Variants in HPCAL1 observed in about 807,000 individuals in gnomAD.
HPCAL1 encodes hippocalcin like 1.
A neutral mutation model predicts 17.1 loss-of-function variants in HPCAL1; 8 were observed. The ratio of observed to expected loss-of-function variants is 0.47; its 90% CI spans 0.27 to 0.84. HPCAL1 has a LOEUF of 0.84. Ranked by LOEUF, HPCAL1 falls within the 40% of genes least tolerant of loss-of-function variation. The pLI is 0.13. For synonymous variants in HPCAL1, 112 were observed against 111.4 expected, an observed-to-expected ratio of 1.01 and a Z score of -0.03; for missense variants, 165 against 271.1, an observed-to-expected ratio of 0.61 and a Z score of 2.75.
intron 2 of HPCAL1, among the ~76,000 whole-genome samples, chr2:10,406,517 C>T (rs1449033894): frequency 6.6e-6 from 1 of 152,268 alleles, no homozygotes; most frequent in African/African-American, 2.4e-5. Context: ...GTGAAGGAAC[C>T]AGTCCAGAGA....
intron 2 of HPCAL1, among the ~76,000 whole-genome samples, chr2:10,418,264 C>CATAAATAAATAA (rs59197150): frequency 2.1e-5 from 3 of 144,162 alleles, no homozygotes; most frequent in Non-Finnish European, 4.5e-5. Flanking sequence ...ACTAAAAATA[C>CATAAATAAATAA]ATAAATAAAT....
chr2:10,327,188 G>A (rs1472907470), intron 1 of HPCAL1, among the ~76,000 whole-genome samples: 1 of 152,172 alleles, frequency 6.6e-6, no homozygotes, highest in Non-Finnish European at 1.5e-5. Context: ...CCCAACTCCT[G>A]GGATTTGCAG....
At position 10,377,799 on chromosome 2, in the gene HPCAL1, C is replaced by T. The variant is rs1667668760; in HGVS notation, c.-110-19036C>T. Among the ~76,000 whole-genome samples the T allele has an allele frequency of 6.6e-6, 1 of 152,164 alleles. No individual in the cohort carries two copies. Among genetic ancestry groups the T allele is most frequent in the African/African-American group, 2.4e-5 (1 of 41,424 alleles). ...AAACATAAAGGGACACCAGAATCCCCATCCCCATCCCCAGGGTGGTGAGCC... is the reference window on the plus strand; with the variant it reads ...AAACATAAAGGGACACCAGAATCCCTATCCCCATCCCCAGGGTGGTGAGCC... On this transcript the variant is annotated intron_variant, in intron 1 of 4. Transcript: ENST00000307845. This position sits in a 1 kb window ranked among gnomAD's most constrained non-coding sequence, Gnocchi z 5.9.
chr2:10,392,085 C>T (rs992820317), intron 1 of HPCAL1, among the ~76,000 whole-genome samples: 4 of 152,020 alleles, frequency 2.6e-5, no homozygotes, highest in Non-Finnish European at 5.9e-5. Flanking sequence ...ATCTATCCCT[C>T]GGGCGGGAGT....
chr2:10,379,530 C>T (rs983852097), intron 1 of HPCAL1, among the ~76,000 whole-genome samples: 2 of 151,862 alleles, frequency 1.3e-5, no homozygotes, highest in Non-Finnish European at 2.9e-5. Flanking sequence ...TAGATAGCTG[C>T]GCAGATGGTC....
At chr2:10,361,628 T>C (rs4477884) in intron 1 of HPCAL1, among the ~76,000 whole-genome samples, 113,754 of 152,160 alleles carry the variant, frequency 0.75, 42,858 homozygotes, top group East Asian at 0.99. Context: ...ATAAGGCGAC[T>C]GTTATCTTTT....
chr2:10,388,314 G>A (rs1246988071), intron 1 of HPCAL1, among the ~76,000 whole-genome samples: 1 of 152,220 alleles, frequency 6.6e-6, no homozygotes, highest in Non-Finnish European at 1.5e-5. Context: ...GTGCCTCAGT[G>A]CCTCAGATGC....
rs1553353473 is a variant in HPCAL1 at position 10,384,029 on chromosome 2, C to CACACCCA, written c.-110-12806_-110-12805insACACCCA. Reference sequence around the variant, plus strand: ...ATATACATCGCGTACACACACACACCCACACACACACACACCTTTTGCTGG... The same window carrying CACACCCA: ...ATATACATCGCGTACACACACACACCACACCCACACACACACACACACCTTTTGCTGG... On this transcript the variant is annotated intron_variant, in intron 1 of 4. Transcript: ENST00000307845. The surrounding 1 kb of genome is among the most constrained non-coding windows in gnomAD (Gnocchi z 4.4). 6.7e-6 allele frequency among the ~76,000 whole-genome samples: 1 copy of CACACCCA among 149,974 alleles called. No homozygotes were observed. Among genetic ancestry groups the CACACCCA allele is most frequent in the Admixed American group, 6.6e-5 (1 of 15,066 alleles).
rs1662506166 is a variant in HPCAL1, at chr2:10,304,696, C to G, written c.-111+1519C>G. Among the ~76,000 whole-genome samples the G allele has an allele frequency of 6.6e-6, 1 of 152,242 alleles. No homozygotes were observed. Among genetic ancestry groups the G allele is most frequent in the Admixed American group, 6.5e-5 (1 of 15,290 alleles). ...TCTGGCGCCTCGGCGCTGGCTCGGA[C>G]GCAGCAAGGCCAGCTCTAGGGGTCG... On this transcript the variant is annotated intron_variant, in intron 1 of 4. Coordinates refer to ENST00000307845, the MANE Select transcript of HPCAL1 (RefSeq NM_002149.4). This position sits in a 1 kb window ranked among gnomAD's most constrained non-coding sequence, Gnocchi z 4.1.
intron 1 of HPCAL1, among the ~76,000 whole-genome samples, chr2:10,312,465 C>T (rs1457396112): frequency 6.6e-6 from 1 of 150,692 alleles, no homozygotes; most frequent in Non-Finnish European, 1.5e-5. Flanking sequence ...ATCACCATCA[C>T]CATCATCATT....
At position 10,419,702 on chromosome 2, in the gene HPCAL1, G is replaced by C; in HGVS notation, c.-24-32G>C. The C allele has an allele frequency of 2.6e-6, 4 of 1,563,232 alleles. No homozygotes were observed. The highest frequency in any genetic ancestry group is 3.5e-6 in the Non-Finnish European group (4 of 1,155,458). Reference sequence around the variant, plus strand: ...GCTCAGCCCTGCTCCGTGGCCGTGGGTGGCGTCCCCGGCTGACCCCCTGTC... The same window carrying C: ...GCTCAGCCCTGCTCCGTGGCCGTGGCTGGCGTCCCCGGCTGACCCCCTGTC... On this transcript the variant is annotated intron_variant, in intron 2 of 4. Coordinates refer to ENST00000307845, the MANE Select transcript of HPCAL1 (RefSeq NM_002149.4). This position sits in a 1 kb window ranked among gnomAD's most constrained non-coding sequence, Gnocchi z 5.0.
intron 1 of HPCAL1, among the ~76,000 whole-genome samples, chr2:10,357,171 A>G (rs1287332855): frequency 6.6e-6 from 1 of 152,102 alleles, no homozygotes; most frequent in African/African-American, 2.4e-5. Flanking sequence ...GTTCCTCCTC[A>G]GGGCCTGTGC....
rs1364715993 is a variant in HPCAL1 at position 10,310,339 on chromosome 2, T to C, written c.-111+7162T>C. 1.3e-5 allele frequency among the ~76,000 whole-genome samples: 2 copies of C among 152,132 alleles called. No individual in the cohort carries two copies. The highest frequency in any genetic ancestry group is 2.4e-5 in the African/African-American group (1 of 41,420). On this transcript the variant is annotated intron_variant, in intron 1 of 4. Coordinates refer to ENST00000307845, the MANE Select transcript of HPCAL1 (RefSeq NM_002149.4). The surrounding 1 kb of genome is among the most constrained non-coding windows in gnomAD (Gnocchi z 4.5). ...TGGAATAAGTGGTGGTGGCTGCCAT[T>C]ACTCTTTAAGCATTCTTGGATCTAG...
rs114175294 is a variant in HPCAL1 at position 10,365,970 on chromosome 2, C to T, written c.-110-30865C>T. Among the ~76,000 whole-genome samples the T allele has an allele frequency of 3.7e-3, 562 of 152,328 alleles. 3 individuals are homozygous for T. The highest frequency in any genetic ancestry group is 0.012 in the African/African-American group (485 of 41,568). ...CCTCATGAGGAGACGCTCACTCCCC[C>T]AGACACACTGAGTACTCTTTCCTCA... On this transcript the variant is annotated intron_variant, in intron 1 of 4. Coordinates refer to ENST00000307845, the MANE Select transcript of HPCAL1 (RefSeq NM_002149.4). This position sits in a 1 kb window ranked among gnomAD's most constrained non-coding sequence, Gnocchi z 4.8.
chr2:10,426,747 A>G lies in HPCAL1; in HGVS notation c.508A>G (p.Ile170Val). 1 of 1,613,496 alleles carries G rather than the reference A, an allele frequency of 6.2e-7. No homozygotes were observed. Residue 170 changes from isoleucine to valine, a missense_variant, in exon 5 of 5, where the codon ATC becomes GTC. Ile to Val is a conservative substitution (Grantham distance 29). Transcript: ENST00000307845. ...NDGKLSLEEF[I>V]RGAKSDPSIV... Reference sequence around the variant, plus strand: ...AGGCAAACTGTCCTTGGAAGAATTCATCAGAGGTGCCAAGAGCGACCCCTC... The same window carrying G: ...AGGCAAACTGTCCTTGGAAGAATTCGTCAGAGGTGCCAAGAGCGACCCCTC...
At chr2:10,351,663 G>A (rs28472637) in intron 1 of HPCAL1, among the ~76,000 whole-genome samples, 52,101 of 151,652 alleles carry the variant, frequency 0.34, 9,471 homozygotes, top group East Asian at 0.67. Flanking sequence ...GGAGGCTGAG[G>A]TGGGAAGATT....
intron 1 of HPCAL1, among the ~76,000 whole-genome samples, chr2:10,338,484 G>A (rs1664860717): frequency 1.3e-5 from 2 of 152,252 alleles, no homozygotes; most frequent in Admixed American, 6.5e-5. Flanking sequence ...TTCCTACTTC[G>A]TAGGGTTGGC....
rs1055708307 is a variant in HPCAL1 at position 10,362,143 on chromosome 2, G to A, written c.-110-34692G>A. Among the ~76,000 whole-genome samples the A allele has an allele frequency of 9.9e-5, 15 of 152,244 alleles. No individual in the cohort carries two copies. The highest frequency in any genetic ancestry group is 1.9e-4 in the Non-Finnish European group (13 of 68,036). The stretch of plus-strand genomic sequence containing the variant: ...TAGCTAGTAAGTGATGGGCAGGGCT[G>A]TGGAGCTGGTTCACTTGACTCTGCT... On this transcript the variant is annotated intron_variant, in intron 1 of 4. Coordinates refer to ENST00000307845, the MANE Select transcript of HPCAL1 (RefSeq NM_002149.4). This position sits in a 1 kb window ranked among gnomAD's most constrained non-coding sequence, Gnocchi z 5.0.
At chr2:10,371,307 T>TG (rs1161489038) in intron 1 of HPCAL1, among the ~76,000 whole-genome samples, 5 of 151,814 alleles carry the variant, frequency 3.3e-5, no homozygotes, top group Admixed American at 3.3e-4. Flanking sequence ...AAGCCAGGCT[T>TG]GTGTCCACAC....
Sources: allele counts gnomAD v4.1 joint callset (sites outside exome capture counted in the v4.1 genomes callset), GRCh38; gene constraint gnomAD v4.1.1; non-coding constraint Gnocchi (gnomAD v3.1); transcripts MANE v1.5; gene names NCBI Gene and HGNC (gene_info 2026-07-23, HGNC 2026-07-21).